Variants in NFE2L3 observed in about 807,000 individuals in gnomAD.
NFE2L3 encodes the protein NFE2 like bZIP transcription factor 3.
NFE2L3 carries 18 observed loss-of-function variants against 23.5 expected under a neutral mutation model. The ratio of observed to expected loss-of-function variants is 0.77; its 90% CI spans 0.53 to 1.13. The LOEUF is 1.13. NFE2L3 is among the 50% of genes most tolerant of loss of function. NFE2L3 has a pLI of 0.00. For missense variants in NFE2L3, 1,152 were observed against 877.2 expected, an observed-to-expected ratio of 1.31 and a Z score of -3.96; for synonymous variants, 424 against 354.5, an observed-to-expected ratio of 1.20 and a Z score of -2.20.
chr7:26,161,875 G>T (rs1279340818), intron 1 of NFE2L3, among the ~76,000 whole-genome samples: 1 of 152,100 alleles, frequency 6.6e-6, no homozygotes, highest in African/African-American at 2.4e-5. Context: ...AGGCGCAGTG[G>T]CTCTTGCCTG....
At chr7:26,183,640 CT>C (rs1236732522) in intron 2 of NFE2L3, 60 bp from the exon 3 acceptor site, 25 of 1,026,570 alleles carry the variant, frequency 2.4e-5, no homozygotes, top group Non-Finnish European at 3.4e-5. Context: ...AAGATAAAGC[CT>C]AAAGCCCCAA....
At chr7:26,171,619 A>G (rs944876782) in intron 1 of NFE2L3, among the ~76,000 whole-genome samples, 6 of 151,776 alleles carry the variant, frequency 4.0e-5, no homozygotes, top group Non-Finnish European at 7.4e-5. Flanking sequence ...TTCGGATATT[A>G]TCTATGCCTT....
In NFE2L3 at chr7:26,179,694, G is replaced by C. The variant is rs555315483; in HGVS notation, c.750+1572G>C. Among the ~76,000 whole-genome samples, 9 of 151,478 alleles carry C rather than the reference G, an allele frequency of 5.9e-5. No homozygotes were observed. In the South Asian group the frequency reaches 1.9e-3, roughly 32 times the overall value. Reference sequence around the variant, plus strand: ...GCACTTCAGACGGGGTGACAGAGCAGGACCCTGTCTCAAAAAAGAAAAATC... The same window carrying C: ...GCACTTCAGACGGGGTGACAGAGCACGACCCTGTCTCAAAAAAGAAAAATC... On this transcript the variant is annotated intron_variant, in intron 2 of 3. Transcript: ENST00000056233.
rs1434407677 is a variant in NFE2L3, at chr7:26,178,050, T to C, written c.678T>C (p.Asn226=). Residue 226 remains asparagine, a synonymous_variant, in exon 2 of 4, where the codon AAT becomes AAC. Coordinates refer to ENST00000056233, the MANE Select transcript of NFE2L3 (RefSeq NM_004289.7). ...SAQKENSLQQ[N]DDDENKIAEK... is the part of the protein sequence containing the mutation. ...AGAAGGAGAACTCACTTCAGCAGAA[T>C]GATGATGATGAAAACAAAATAGCAG... 1.9e-6 allele frequency: 3 copies of C among 1,612,084 alleles called. No individual in the cohort carries two copies. The highest frequency in any genetic ancestry group is 1.1e-5 in the South Asian group (1 of 90,950).
At position 26,165,155 on chromosome 7, in the gene NFE2L3, C is replaced by G. The variant is rs537949998; in HGVS notation, c.570+12087C>G. ...GGGCTCTTTTTTGGTTCCATATGAA[C>G]TTTAAAGTAGTTTTTTCCAATTCTG... On this transcript the variant is annotated intron_variant, in intron 1 of 3. Transcript: ENST00000056233. 2.6e-5 allele frequency among the ~76,000 whole-genome samples: 4 copies of G among 152,230 alleles called. No homozygotes were observed. In the South Asian group the frequency reaches 8.3e-4, roughly 32 times the overall value.
At chr7:26,159,879 G>A (rs770669740) in intron 1 of NFE2L3, among the ~76,000 whole-genome samples, 5 of 151,306 alleles carry the variant, frequency 3.3e-5, no homozygotes, top group Non-Finnish European at 7.4e-5. Flanking sequence ...AACTTCAAAG[G>A]TAAAAACAAA....
In NFE2L3 at chr7:26,152,524, C is replaced by A; in HGVS notation, c.26C>A (p.Ser9Ter). Residue 9 changes from serine (S) to a stop codon, truncating the protein, a stop_gained, in exon 1 of 4, where the codon TCG becomes TAG. Coordinates refer to ENST00000056233, the MANE Select transcript of NFE2L3 (RefSeq NM_004289.7). LOFTEE classifies it high-confidence loss of function. This position sits in a 1 kb window ranked among gnomAD's most constrained non-coding sequence, Gnocchi z 4.4. MKHLKRWW[S>*]AGGGLLHLTL... ...ATGAAGCACCTGAAGCGGTGGTGGTCGGCCGGCGGCGGCCTCCTGCACCTC... is the reference window on the plus strand; with the variant it reads ...ATGAAGCACCTGAAGCGGTGGTGGTAGGCCGGCGGCGGCCTCCTGCACCTC... 1 of 1,414,528 alleles carries A rather than the reference C, an allele frequency of 7.1e-7. No homozygotes were observed. The highest frequency in any genetic ancestry group is 1.9e-4 in the Middle Eastern group (1 of 5,356). 87.6% of individuals were successfully genotyped at this position (1,414,528 alleles called of 1,614,324 possible).
intron 1 of NFE2L3, among the ~76,000 whole-genome samples, chr7:26,157,584 G>GT (rs1361831044): frequency 6.6e-6 from 1 of 152,172 alleles, no homozygotes; most frequent in Non-Finnish European, 1.5e-5. Flanking sequence ...ACATTTGCCT[G>GT]TTTTTAACTC....
At chr7:26,173,461 T>C (rs376868161) in intron 1 of NFE2L3, 1 of 152,362 alleles carries the variant, frequency 6.6e-6, no homozygotes, top group Non-Finnish European at 1.5e-5. Flanking sequence ...GGTTCTAAAA[T>C]AGATCATTTG....
chr7:26,177,947 A>C lies in NFE2L3; in HGVS notation c.575A>C (p.Asn192Thr). 6.2e-7 allele frequency: 1 copy of C among 1,611,520 alleles called. No homozygotes were observed. Among genetic ancestry groups the C allele is most frequent in the Non-Finnish European group, 8.5e-7 (1 of 1,179,280 alleles). Residue 192 changes from asparagine to threonine, a missense_variant, in exon 2 of 4, where the codon AAT becomes ACT. Coordinates refer to ENST00000056233, the MANE Select transcript of NFE2L3 (RefSeq NM_004289.7). ...PDAGGCASEE[N>T]GVLREKHEAV... is the part of the protein sequence containing the mutation. ...TGAAATTTCGTACTTTTATAGGAGA[A>C]TGGGGTACTAAGAGAAAAGCACGAA...
intron 2 of NFE2L3, 50 bp downstream of exon 2, chr7:26,178,172 T>C: frequency 1.3e-6 from 2 of 1,521,104 alleles, no homozygotes; most frequent in Non-Finnish European, 1.8e-6. Context: ...TTAATGTAGA[T>C]TTTGTGGCAT....
intron 1 of NFE2L3, among the ~76,000 whole-genome samples, chr7:26,169,820 G>A (rs1037303633): frequency 2.6e-5 from 4 of 152,154 alleles, no homozygotes; most frequent in African/African-American, 4.8e-5. Context: ...GAGAGTGGCC[G>A]GGCGCGGTGG....
chr7:26,164,114 C>A (rs1784211504), intron 1 of NFE2L3, among the ~76,000 whole-genome samples: 1 of 152,214 alleles, frequency 6.6e-6, no homozygotes, highest in Non-Finnish European at 1.5e-5. Context: ...CCACAATAAA[C>A]ATATGTGTGC....
chr7:26,154,041 C>G (rs1314055282), intron 1 of NFE2L3, among the ~76,000 whole-genome samples: 1 of 152,178 alleles, frequency 6.6e-6, no homozygotes, highest in Non-Finnish European at 1.5e-5. Flanking sequence ...TGGGGCTAAA[C>G]TGGTTTGTTT....
chr7:26,175,794 A>T lies in NFE2L3; in HGVS notation c.571-2149A>T, dbSNP rs1186011856. 1.1e-3 allele frequency among the ~76,000 whole-genome samples: 165 copies of T among 150,926 alleles called. 1 individual carries two copies. Among genetic ancestry groups the T allele is most frequent in the African/African-American group, 3.8e-3 (158 of 41,156 alleles). On this transcript the variant is annotated intron_variant, in intron 1 of 3. Transcript: ENST00000056233. ...ACTCTGTCTCAAAAAAAAAAAAAAA[A>T]TAGTTTCCATATTTGATCAGTGTTT...
rs1343065991 is a variant in NFE2L3, at chr7:26,152,278, G to T, written c.-221G>T. The stretch of plus-strand genomic sequence containing the variant: ...AGGTGGCTCCTTCTTCGCTTCTCCC[G>T]ATCCCCGGCGGTGCCAGGCACGGTG... On this transcript the variant is annotated 5_prime_UTR_variant, in exon 1 of 4. Coordinates refer to ENST00000056233, the MANE Select transcript of NFE2L3 (RefSeq NM_004289.7). This position sits in a 1 kb window ranked among gnomAD's most constrained non-coding sequence, Gnocchi z 4.4. 1 of 249,114 alleles carries T rather than the reference G, an allele frequency of 4.0e-6. No individual in the cohort carries two copies. The highest frequency in any genetic ancestry group is 7.5e-6 in the Non-Finnish European group (1 of 133,870). 15.4% of individuals were successfully genotyped at this position (249,114 alleles called of 1,614,324 possible).
rs762770114 is a variant in NFE2L3, at chr7:26,185,366, C to T, written c.1668C>T (p.Gly556=). The change falls in exon 4 of 4, where the codon GGC becomes GGT. Residue 556 remains glycine, a synonymous_variant. Coordinates refer to ENST00000056233, the MANE Select transcript of NFE2L3 (RefSeq NM_004289.7). Reference sequence around the variant, plus strand: ...CTTTTTCTGTAGATGAAATTGTCGGCATGCCTGTTGATTCTTTCAATAGCA... The same window carrying T: ...CTTTTTCTGTAGATGAAATTGTCGGTATGCCTGTTGATTCTTTCAATAGCA... ...HIPFSVDEIV[G]MPVDSFNSML... 1.2e-6 allele frequency: 2 copies of T among 1,614,102 alleles called. No homozygotes were observed. Among genetic ancestry groups the T allele is most frequent in the Non-Finnish European group, 1.7e-6 (2 of 1,179,980 alleles).
At position 26,185,612 on chromosome 7, in the gene NFE2L3, G is replaced by T; in HGVS notation, c.1914G>T (p.Leu638=). Residue 638 remains leucine (L), a synonymous_variant, in exon 4 of 4, where the codon CTG becomes CTT. Transcript: ENST00000056233. ...NKAINIMKQK[L]HDLYHDIFSR... ...CTATTAACATAATGAAACAGAAACT[G>T]CATGACCTTTATCATGATATTTTTA... 1.2e-6 allele frequency: 2 copies of T among 1,613,820 alleles called. No individual in the cohort carries two copies. Among genetic ancestry groups the T allele is most frequent in the Non-Finnish European group, 1.7e-6 (2 of 1,179,796 alleles).
chr7:26,161,360 T>C (rs1329970476), intron 1 of NFE2L3, among the ~76,000 whole-genome samples: 2 of 112,786 alleles, frequency 1.8e-5, no homozygotes, highest in Non-Finnish European at 3.5e-5. Flanking sequence ...TTTTTTTTTT[T>C]TTTTGGGTCT....
Sources: allele counts gnomAD v4.1 joint callset (sites outside exome capture counted in the v4.1 genomes callset), GRCh38; gene constraint gnomAD v4.1.1; non-coding constraint Gnocchi (gnomAD v3.1); transcripts MANE v1.5; gene names NCBI Gene and HGNC (gene_info 2026-07-23, HGNC 2026-07-21).